The following PTMS variants were observed in gnomAD, a reference collection of about 807,000 sequenced individuals.
PTMS encodes parathymosin.
A neutral mutation model predicts 18.4 loss-of-function variants in PTMS; 5 were observed. The observed-to-expected ratio is 0.27, with a 90% CI of 0.14 to 0.57. The LOEUF (loss-of-function observed/expected upper bound fraction) is 0.57. Ranked by LOEUF, PTMS falls within the 20% of genes least tolerant of loss-of-function variation. The pLI, the probability that PTMS is intolerant of heterozygous loss-of-function variation, is 0.92. For missense variants in PTMS, 93 were observed against 124.6 expected, an observed-to-expected ratio of 0.75 and a Z score of 1.21; for synonymous variants, 53 against 47.7, an observed-to-expected ratio of 1.11 and a Z score of -0.46.
At chr12:6,766,954 C>T (rs560674517) in intron 1 of PTMS, among the ~76,000 whole-genome samples, 1 of 151,676 alleles carries the variant, frequency 6.6e-6, no homozygotes, top group Admixed American at 6.5e-5. Context: ...AGCTGCCCTG[C>T]GCGCACCACG....
chr12:6,769,380 C>G (rs1941809425), intron 1 of PTMS, among the ~76,000 whole-genome samples: 1 of 152,066 alleles, frequency 6.6e-6, no homozygotes. Flanking sequence ...TTCTTCATCC[C>G]TTTCCCACCT....
At chr12:6,766,969 C>T (rs1156560581) in intron 1 of PTMS, among the ~76,000 whole-genome samples, 1 of 151,744 alleles carries the variant, frequency 6.6e-6, no homozygotes, top group Non-Finnish European at 1.5e-5. Flanking sequence ...ACCACGGCGC[C>T]CGGCCTCGCC....
chr12:6,769,903 C>T lies in PTMS; in HGVS notation c.118-18C>T, dbSNP rs572374399. 1,195 of 1,566,092 alleles carry T rather than the reference C, an allele frequency of 7.6e-4. 17 individuals carry two copies. In the South Asian group the frequency reaches 0.013, roughly 17 times the overall value. On this transcript the variant is annotated intron_variant, in intron 2 of 4. Transcript: ENST00000309083. The stretch of plus-strand genomic sequence containing the variant: ...CATGCAGCCAGCCTGAGGCTACTCC[C>T]TCTCCTGGTCCCCACAGGAGGAGGA...
rs925523324 is a variant in PTMS at position 6,770,034 on chromosome 12, T to A, written c.196+35T>A. On this transcript the variant is annotated intron_variant, in intron 3 of 4. Transcript: ENST00000309083. The surrounding 1 kb of genome is among the most constrained non-coding windows in gnomAD (Gnocchi z 7.3). ...GGCAGGGGAGGCTGGGCTGGCAAAG[T>A]CTGGGCTCAAAGGAGAGCAGAGTCA... is the stretch of plus-strand genomic sequence containing the variant. 1 of 1,568,550 alleles carries A rather than the reference T, an allele frequency of 6.4e-7. No individual in the cohort carries two copies. Among genetic ancestry groups the A allele is most frequent in the Non-Finnish European group, 8.6e-7 (1 of 1,157,342 alleles).
chr12:6,766,746 C>T lies in PTMS; in HGVS notation c.41C>T (p.Ala14Val), dbSNP rs1192296060. 5.5e-6 allele frequency: 6 copies of T among 1,089,568 alleles called. No individual in the cohort carries two copies. The highest frequency in any genetic ancestry group is 6.7e-6 in the Non-Finnish European group (6 of 898,078). The allele number at this position is 1,089,568 out of a possible 1,614,324, so 67.5% of individuals were successfully genotyped here. Residue 14 changes from alanine (A) to valine (V), a missense_variant, in exon 1 of 5, where the codon GCC becomes GTC. Transcript: ENST00000309083. ...KSVEAAAELSAKDLKEKKEKV... is the reference protein window; with the variant it reads ...KSVEAAAELSVKDLKEKKEKV... ...GTGGAGGCAGCGGCCGAGTTGAGCG[C>T]CAAGGTACGGGCGGGGGCGGCGGCG...
Position 6,766,395 on chromosome 12 carries a change from G to A in PTMS, c.-311G>A, listed in dbSNP as rs897717927. ...GGTCGGCGGCAGCTCTGCTGGTGCG[G>A]GGGCGGCGAGCCCGGGATCGAGCTA... On this transcript the variant is annotated 5_prime_UTR_variant, in exon 1 of 5. Transcript: ENST00000309083. The A allele has an allele frequency of 1.3e-5, 2 of 159,436 alleles. No individual in the cohort carries two copies. The highest frequency in any genetic ancestry group is 2.7e-5 in the Non-Finnish European group (2 of 73,090). 9.9% of individuals were successfully genotyped at this position (159,436 alleles called of 1,614,324 possible). A position where few individuals can be genotyped will look rare whatever the true frequency, so the allele number is the denominator to read the frequency against.
intron 1 of PTMS, chr12:6,769,081 G>C (rs1186421494): frequency 5.1e-6 from 1 of 197,258 alleles, no homozygotes; most frequent in Non-Finnish European, 1.0e-5. Context: ...CTGAGGATTA[G>C]GGAGACACAG....
At position 6,770,247 on chromosome 12, in the gene PTMS, G is replaced by T; in HGVS notation, c.258+29G>T. On this transcript the variant is annotated intron_variant, in intron 4 of 4. Transcript: ENST00000309083. The surrounding 1 kb of genome is among the most constrained non-coding windows in gnomAD (Gnocchi z 7.3). ...TGGGCTGGGTTGCTGGGCCTGAGGG[G>T]CTGTCAGGGATGCAGCCGGGCTGGG... 6.2e-7 allele frequency: 1 copy of T among 1,613,670 alleles called. No homozygotes were observed. Among genetic ancestry groups the T allele is most frequent in the Non-Finnish European group, 8.5e-7 (1 of 1,179,580 alleles).
chr12:6,768,512 A>AC (rs367792305), intron 1 of PTMS, among the ~76,000 whole-genome samples: 276 of 151,486 alleles, frequency 1.8e-3, no homozygotes, highest in African/African-American at 6.0e-3. Context: ...TCCAGAAAGG[A>AC]CCCCCCCGCC....
intron 1 of PTMS, among the ~76,000 whole-genome samples, chr12:6,768,789 C>T (rs915156998): frequency 6.6e-6 from 1 of 152,064 alleles, no homozygotes; most frequent in African/African-American, 2.4e-5. Flanking sequence ...GGAGGGTCTC[C>T]TAGACTGGTC....
Position 6,766,479 on chromosome 12 carries a change from C to G in PTMS, c.-227C>G. 1 of 259,968 alleles carries G rather than the reference C, an allele frequency of 3.8e-6. No homozygotes were observed. Among genetic ancestry groups the G allele is most frequent in the Non-Finnish European group, 7.7e-6 (1 of 129,722 alleles). The allele number at this position is 259,968 out of a possible 1,614,324, so 16.1% of individuals were successfully genotyped here. A position where few individuals can be genotyped will look rare whatever the true frequency, so the allele number is the denominator to read the frequency against. ...GCCCTTCCGCCCGCCCTCCGGACGG[C>G]CGCAGCCCTGCGGGTCTCCGCTCCA... is the stretch of plus-strand genomic sequence containing the variant. On this transcript the variant is annotated 5_prime_UTR_variant, in exon 1 of 5. Transcript: ENST00000309083.
At position 6,768,516 on chromosome 12, in the gene PTMS, C is replaced by T. The variant is rs1017384476; in HGVS notation, c.46-1087C>T. Among the ~76,000 whole-genome samples, 27 of 152,282 alleles carry T rather than the reference C, an allele frequency of 1.8e-4. No individual in the cohort carries two copies. In the South Asian group the frequency reaches 4.1e-3, roughly 23 times the overall value. On this transcript the variant is annotated intron_variant, in intron 1 of 4. Transcript: ENST00000309083. ...CCCTATCCTGTTCCAGAAAGGACCC[C>T]CCCGCCCAGGGTGATCTCACACAGG...
rs1382457869 is a variant in PTMS at position 6,766,512 on chromosome 12, C to A, written c.-194C>A. Reference sequence around the variant, plus strand: ...CTGCGGGTCTCCGCTCCAGACCCACCCCCGCCCCACCCCGCGCGCCTCTGC... The same window carrying A: ...CTGCGGGTCTCCGCTCCAGACCCACACCCGCCCCACCCCGCGCGCCTCTGC... On this transcript the variant is annotated 5_prime_UTR_variant, in exon 1 of 5. Transcript: ENST00000309083. 8.1e-6 allele frequency: 2 copies of A among 246,450 alleles called. No individual in the cohort carries two copies. The highest frequency in any genetic ancestry group is 7.5e-5 in the South Asian group (2 of 26,566). The allele number at this position is 246,450 out of a possible 1,614,324, so 15.3% of individuals were successfully genotyped here. A position where few individuals can be genotyped will look rare whatever the true frequency, so the allele number is the denominator to read the frequency against.
chr12:6,768,653 G>A (rs1410272613), intron 1 of PTMS, among the ~76,000 whole-genome samples: 1 of 152,208 alleles, frequency 6.6e-6, no homozygotes, highest in Non-Finnish European at 1.5e-5. Flanking sequence ...TGGGTGGGGA[G>A]AGCACTGGAA....
In PTMS at chr12:6,769,608, G is replaced by A. The variant is rs779738380; in HGVS notation, c.51G>A (p.Leu17=). 1.2e-6 allele frequency: 2 copies of A among 1,614,114 alleles called. No individual in the cohort carries two copies. Among genetic ancestry groups the A allele is most frequent in the Non-Finnish European group, 1.7e-6 (2 of 1,179,998 alleles). The change falls in exon 2 of 5, where the codon CTG becomes CTA. Residue 17 remains leucine (L), a synonymous_variant. Transcript: ENST00000309083. ...EAAAELSAKD[L]KEKKEKVEEK... is the part of the protein sequence containing the mutation. ...GACCTCTTTCTCCTTTGCAGGACCT[G>A]AAGGAGAAGAAGGAGAAGGTGGAGG...
rs1217502375 is a variant in PTMS, at chr12:6,766,658, GC to G, written c.-44del. On this transcript the variant is annotated 5_prime_UTR_variant, in exon 1 of 5. Coordinates refer to ENST00000309083, the MANE Select transcript of PTMS (RefSeq NM_002824.6). ...CGCCGTCCAGGGCCCCTCCGTCTCG[GC>G]CCCGGGACCCCGGCTCCCCGCCAGC... 8.3e-6 allele frequency: 9 copies of G among 1,088,716 alleles called. No individual in the cohort carries two copies. In the South Asian group the frequency reaches 8.4e-5, roughly 10 times the overall value. 67.4% of individuals were successfully genotyped at this position (1,088,716 alleles called of 1,614,324 possible).
Position 6,770,613 on chromosome 12 carries a change from C to T in PTMS, c.*171C>T. The T allele has an allele frequency of 1.4e-6, 1 of 723,300 alleles. No individual in the cohort carries two copies. The allele number at this position is 723,300 out of a possible 1,614,324, so 44.8% of individuals were successfully genotyped here. The stretch of plus-strand genomic sequence containing the variant: ...CATTTCCGCCTCTCCAGACACTGCG[C>T]CCTCCACCCTCACTCTGCCATTGTT... On this transcript the variant is annotated 3_prime_UTR_variant, in exon 5 of 5. Coordinates refer to ENST00000309083, the MANE Select transcript of PTMS (RefSeq NM_002824.6). This position sits in a 1 kb window ranked among gnomAD's most constrained non-coding sequence, Gnocchi z 7.3.
chr12:6,767,243 C>T (rs1236351552), intron 1 of PTMS: 1 of 152,160 alleles, frequency 6.6e-6, no homozygotes, highest in African/African-American at 2.4e-5. Flanking sequence ...GCTCGCTTCT[C>T]TCCCCGGACG....
chr12:6,770,465 TG>T lies in PTMS; in HGVS notation c.*26del. The T allele has an allele frequency of 1.4e-6, 2 of 1,478,774 alleles. No individual in the cohort carries two copies. Among genetic ancestry groups the T allele is most frequent in the East Asian group, 2.4e-5 (1 of 41,720 alleles). The allele number at this position is 1,478,774 out of a possible 1,614,324, so 91.6% of individuals were successfully genotyped here. A position where few individuals can be genotyped will look rare whatever the true frequency, so the allele number is the denominator to read the frequency against. On this transcript the variant is annotated 3_prime_UTR_variant, in exon 5 of 5. Coordinates refer to ENST00000309083, the MANE Select transcript of PTMS (RefSeq NM_002824.6). This position sits in a 1 kb window ranked among gnomAD's most constrained non-coding sequence, Gnocchi z 7.3. ...TGAGCCCCTGCCAACAGGCTGGGGT[TG>T]GGAGGCCTCTCTGGGCCTGGAGGTG...
Sources: allele counts gnomAD v4.1 joint callset (sites outside exome capture counted in the v4.1 genomes callset), GRCh38; gene constraint gnomAD v4.1.1; non-coding constraint Gnocchi (gnomAD v3.1); transcripts MANE v1.5; gene names NCBI Gene and HGNC (gene_info 2026-07-23, HGNC 2026-07-21).